Variants in F13B observed in about 807,000 individuals in gnomAD.
F13B encodes the protein TGase.
In F13B, 58 loss-of-function variants were observed where a neutral mutation model predicts 79.8. The observed-to-expected ratio is 0.73, with a 90% CI of 0.59 to 0.90. The LOEUF is 0.90. Among genes scored for constraint, F13B ranks in the 40% least tolerant of loss-of-function variants. The pLI is 0.00. For missense variants in F13B, 773 were observed against 777.0 expected, an observed-to-expected ratio of 0.99 and a Z score of 0.06; for synonymous variants, 283 against 260.3, an observed-to-expected ratio of 1.09 and a Z score of -0.84.
chr1:197,065,431 C>T (rs1035851922), intron 1 of F13B, among the ~76,000 whole-genome samples: 25 of 151,968 alleles, frequency 1.6e-4, no homozygotes, highest in African/African-American at 5.5e-4. Context: ...GTACATGAAG[C>T]GATGGACACA....
At chr1:197,054,240 C>T (rs1354580508) in intron 8 of F13B, among the ~76,000 whole-genome samples, 1 of 152,066 alleles carries the variant, frequency 6.6e-6, no homozygotes, top group Non-Finnish European at 1.5e-5. Context: ...TCCTTATGAG[C>T]TTGTTTCATT....
chr1:197,057,957 C>G (rs2125068936), intron 5 of F13B, among the ~76,000 whole-genome samples: 1 of 152,266 alleles, frequency 6.6e-6, no homozygotes, highest in African/African-American at 2.4e-5. Context: ...CCCAGTCAAG[C>G]CTCAGATGAG....
At position 197,041,986 on chromosome 1, in the gene F13B, G is replaced by T. The variant is rs187711596; in HGVS notation, c.1739-1251C>A. 7.9e-5 allele frequency among the ~76,000 whole-genome samples: 12 copies of T among 152,168 alleles called. No individual in the cohort carries two copies. In the East Asian group the frequency reaches 2.3e-3, roughly 29 times the overall value. On this transcript the variant is annotated intron_variant, in intron 10 of 11. Transcript: ENST00000367412. ...TTACAGCTTCTTTTTAGCATATCTG[G>T]GGCAGGAAGGATGGAATGGCATGAA...
chr1:197,041,047 G>T (rs1003476492), intron 10 of F13B, among the ~76,000 whole-genome samples: 2 of 152,040 alleles, frequency 1.3e-5, no homozygotes, highest in African/African-American at 4.8e-5. Flanking sequence ...AAACAAAAAG[G>T]TATTTGGGGG....
At chr1:197,050,215 T>C (rs949851825) in intron 10 of F13B, among the ~76,000 whole-genome samples, 1 of 152,156 alleles carries the variant, frequency 6.6e-6, no homozygotes, top group African/African-American at 2.4e-5. Context: ...AATATTTTCT[T>C]ATTATTTACA....
intron 10 of F13B, among the ~76,000 whole-genome samples, chr1:197,044,282 A>G (rs1345822794): frequency 6.6e-6 from 1 of 152,058 alleles, no homozygotes; most frequent in Non-Finnish European, 1.5e-5. Flanking sequence ...CTAGCTCAGC[A>G]GTCTGAGATC....
At chr1:197,055,692 A>G in intron 8 of F13B, 23 bp downstream of exon 8, 1 of 1,609,216 alleles carries the variant, frequency 6.2e-7, no homozygotes, top group Non-Finnish European at 8.5e-7. Context: ...AAACGTAGAC[A>G]TTCCATGTGT....
chr1:197,048,144 A>G (rs1031382911), intron 10 of F13B, among the ~76,000 whole-genome samples: 12 of 146,308 alleles, frequency 8.2e-5, no homozygotes, highest in African/African-American at 1.6e-4. Context: ...ATATATATAT[A>G]TGTGTATATA....
intron 10 of F13B, among the ~76,000 whole-genome samples, chr1:197,041,577 G>A (rs776943507): frequency 4.7e-5 from 7 of 147,744 alleles, no homozygotes; most frequent in Non-Finnish European, 1.0e-4. Context: ...TCATATACCT[G>A]TAGTACATTA....
intron 10 of F13B, 108 bp downstream of exon 10, chr1:197,050,589 C>T (rs1336761185): frequency 3.1e-6 from 3 of 964,320 alleles, no homozygotes; most frequent in Non-Finnish European, 4.7e-6. Flanking sequence ...TAAAATAACA[C>T]AAATGTAGCA....
intron 10 of F13B, among the ~76,000 whole-genome samples, chr1:197,049,888 T>A (rs1655377099): frequency 6.6e-6 from 1 of 152,152 alleles, no homozygotes; most frequent in Admixed American, 6.6e-5. Context: ...GCAATATAAT[T>A]CATTAAATTT....
chr1:197,055,730 G>A lies in F13B; in HGVS notation c.1339C>T (p.Pro447Ser). 1 of 1,613,336 alleles carries A rather than the reference G, an allele frequency of 6.2e-7. No homozygotes were observed. Among genetic ancestry groups the A allele is most frequent in the South Asian group, 1.1e-5 (1 of 91,060 alleles). The stretch of plus-strand genomic sequence containing the variant: ...TCTTTCTTACCCAAGCAAACAGGTG[G>A]GGATGACCATTTTCCTTGTTCGCAA... ...SRCEQGKWSS[P>S]PVCLEPCTVN... Residue 447 changes from proline to serine, a missense_variant, in exon 8 of 12, where the codon CCA becomes TCA. Physicochemically the swap from Pro to Ser is moderately conservative, Grantham distance 74. Coordinates refer to ENST00000367412, the MANE Select transcript of F13B (RefSeq NM_001994.3).
Position 197,044,070 on chromosome 1 carries a change from G to T in F13B, c.1739-3335C>A, listed in dbSNP as rs184635389. ...ATATATATATATTTATATATATATA[G>T]AGAGAGAGAGAGAAAGAGAGAGAGG... On this transcript the variant is annotated intron_variant, in intron 10 of 11. Transcript: ENST00000367412. Among the ~76,000 whole-genome samples, 518 of 151,226 alleles carry T rather than the reference G, an allele frequency of 3.4e-3. 3 individuals are homozygous for T. The highest frequency in any genetic ancestry group is 0.017 in the Middle Eastern group (5 of 290).
intron 10 of F13B, among the ~76,000 whole-genome samples, chr1:197,048,884 T>G (rs1410164757): frequency 2.0e-5 from 3 of 152,060 alleles, no homozygotes; most frequent in Non-Finnish European, 2.9e-5. Context: ...ATAAAGCAAA[T>G]ATCAACAAAT....
At position 197,039,280 on chromosome 1, in the gene F13B, G is replaced by A. The variant is rs867188808; in HGVS notation, c.*98C>T. On this transcript the variant is annotated 3_prime_UTR_variant, in exon 12 of 12. Coordinates refer to ENST00000367412, the MANE Select transcript of F13B (RefSeq NM_001994.3). ...ATTTAGATTCAAATATTTAAGCAAG[G>A]AAAAACTCCGAAGTTTTTAACTTAT... is the stretch of plus-strand genomic sequence containing the variant. 2 of 1,031,066 alleles carry A rather than the reference G, an allele frequency of 1.9e-6. No homozygotes were observed. Among genetic ancestry groups the A allele is most frequent in the African/African-American group, 1.6e-5 (1 of 62,566 alleles). The allele number at this position is 1,031,066 out of a possible 1,614,324, so 63.9% of individuals were successfully genotyped here. A position where few individuals can be genotyped will look rare whatever the true frequency, so the allele number is the denominator to read the frequency against.
intron 10 of F13B, among the ~76,000 whole-genome samples, chr1:197,048,098 C>T (rs532484979): frequency 6.6e-6 from 1 of 151,698 alleles, no homozygotes; most frequent in Admixed American, 6.6e-5. Context: ...AACAAACCTG[C>T]ACATTGTGCA....
chr1:197,066,274 A>C (rs1656046394), intron 1 of F13B, among the ~76,000 whole-genome samples: 1 of 152,178 alleles, frequency 6.6e-6, no homozygotes, highest in African/African-American at 2.4e-5. Context: ...ACTAAAACAC[A>C]GTTAAAACTT....
intron 10 of F13B, among the ~76,000 whole-genome samples, chr1:197,047,093 G>A (rs902218303): frequency 6.6e-6 from 1 of 152,096 alleles, no homozygotes; most frequent in Non-Finnish European, 1.5e-5. Context: ...TCAGGACATA[G>A]GCATTGGCAA....
Position 197,060,503 on chromosome 1 carries a change from T to A in F13B, c.668A>T (p.Tyr223Phe), listed in dbSNP as rs761906251. Residue 223 changes from tyrosine to phenylalanine, a missense_variant, in exon 5 of 12, where the codon TAT becomes TTT. Tyr to Phe is a conservative substitution (Grantham distance 22). Coordinates refer to ENST00000367412, the MANE Select transcript of F13B (RefSeq NM_001994.3). Reference protein sequence around the residue: ...CSSLRLIENGYFHPVKQTYEE... With the variant: ...CSSLRLIENGFFHPVKQTYEE... ...ATAGGTTTGCTTTACAGGATGAAAA[T>A]AACCATTTTCAATTAATCTTAAAGA... 2 of 1,602,104 alleles carry A rather than the reference T, an allele frequency of 1.2e-6. No individual in the cohort carries two copies. Among genetic ancestry groups the A allele is most frequent in the Admixed American group, 3.4e-5 (2 of 58,360 alleles).
Sources: allele counts gnomAD v4.1 joint callset (sites outside exome capture counted in the v4.1 genomes callset), GRCh38; gene constraint gnomAD v4.1.1; transcripts MANE v1.5; gene names NCBI Gene and HGNC (gene_info 2026-07-23, HGNC 2026-07-21).